UBE2D2: variants seen among roughly 807,000 people sequenced by gnomAD.
The protein encoded by UBE2D2 is ubiquitin conjugating enzyme E2 D2.
Under a neutral mutation model 24.2 loss-of-function variants are expected in UBE2D2, and 2 were observed. That is an observed-to-expected ratio of 0.08 (90% CI 0.03 to 0.26). The LOEUF is 0.26. UBE2D2 is among the 10% of genes least tolerant of loss of function. UBE2D2 has a pLI of 1.00. For synonymous variants in UBE2D2, 58 were observed against 56.5 expected, an observed-to-expected ratio of 1.03 and a Z score of -0.12; for missense variants, 44 against 177.6, an observed-to-expected ratio of 0.25 and a Z score of 4.28.
intron 1 of UBE2D2, among the ~76,000 whole-genome samples, chr5:139,578,870 A>T (rs1418463859): frequency 6.6e-6 from 1 of 152,210 alleles, no homozygotes; most frequent in African/African-American, 2.4e-5. Flanking sequence ...ATGTACCATT[A>T]TTCTACTAAG....
chr5:139,582,408 A>C (rs1378496500), intron 1 of UBE2D2, among the ~76,000 whole-genome samples: 1 of 151,738 alleles, frequency 6.6e-6, no homozygotes, highest in African/African-American at 2.4e-5. Flanking sequence ...ACGGGGTTTC[A>C]CAATGTTGGC....
intron 1 of UBE2D2, chr5:139,562,356 C>T (rs556635092): frequency 2.2e-6 from 3 of 1,338,502 alleles, no homozygotes; most frequent in Admixed American, 4.0e-5. Flanking sequence ...ATCGGTCCAC[C>T]CTGCTTGTCC....
intron 1 of UBE2D2, among the ~76,000 whole-genome samples, chr5:139,547,564 C>T (rs1752849991): frequency 6.6e-6 from 1 of 151,610 alleles, no homozygotes; most frequent in Non-Finnish European, 1.5e-5. Context: ...GGCTGGAGTG[C>T]AGTGACATGA....
intron 1 of UBE2D2, among the ~76,000 whole-genome samples, chr5:139,550,601 A>G (rs887080764): frequency 1.3e-5 from 2 of 152,126 alleles, no homozygotes; most frequent in South Asian, 2.1e-4. Flanking sequence ...GATCTTTGAG[A>G]TAACTTGCTG....
At chr5:139,591,872 A>T (rs1753852524) in intron 1 of UBE2D2, among the ~76,000 whole-genome samples, 2 of 152,278 alleles carry the variant, frequency 1.3e-5, no homozygotes, top group East Asian at 3.9e-4. Context: ...TGCAGGTACT[A>T]TAGTAATGAC....
chr5:139,560,019 C>T (rs1251564414), upstream of UBE2D2, among the ~76,000 whole-genome samples: 2 of 148,962 alleles, frequency 1.3e-5, no homozygotes, highest in African/African-American at 4.9e-5. Flanking sequence ...TGATGGGTAT[C>T]TGGAGCACGA....
chr5:139,618,822 T>G (rs1194213275), intron 5 of UBE2D2, among the ~76,000 whole-genome samples: 2 of 152,198 alleles, frequency 1.3e-5, no homozygotes, highest in Non-Finnish European at 2.9e-5. Context: ...ATTTAAGGTT[T>G]TAATGAGTCC....
chr5:139,624,917 G>T (rs1034464563), intron 6 of UBE2D2, among the ~76,000 whole-genome samples: 1 of 152,082 alleles, frequency 6.6e-6, no homozygotes, highest in Non-Finnish European at 1.5e-5. Flanking sequence ...AAATTTTTTT[G>T]ATTAGAGAAC....
chr5:139,587,888 G>A (rs1753765281), intron 1 of UBE2D2, among the ~76,000 whole-genome samples: 1 of 151,956 alleles, frequency 6.6e-6, no homozygotes, highest in African/African-American at 2.4e-5. Context: ...TCCTGTTTTT[G>A]CCTAATTAGC....
At chr5:139,604,319 G>A (rs187603520) in intron 2 of UBE2D2, among the ~76,000 whole-genome samples, 1 of 151,462 alleles carries the variant, frequency 6.6e-6, no homozygotes, top group Admixed American at 6.6e-5. Flanking sequence ...TCGTATTTTT[G>A]GTAGAGATGG....
intron 1 of UBE2D2, among the ~76,000 whole-genome samples, chr5:139,547,082 A>G (rs1752841503): frequency 6.6e-6 from 1 of 151,656 alleles, no homozygotes; most frequent in Admixed American, 6.6e-5. Flanking sequence ...CGAGGTCAGG[A>G]GATCAAGACC....
At chr5:139,621,873 G>A (rs1754519478) in intron 5 of UBE2D2, among the ~76,000 whole-genome samples, 1 of 152,198 alleles carries the variant, frequency 6.6e-6, no homozygotes, top group African/African-American at 2.4e-5. Flanking sequence ...TCCTTCTGCT[G>A]TGGCCTCCCA....
chr5:139,589,037 T>G (rs1753789041), intron 1 of UBE2D2, among the ~76,000 whole-genome samples: 1 of 152,104 alleles, frequency 6.6e-6, no homozygotes, highest in Admixed American at 6.6e-5. Context: ...GAAGCTATCC[T>G]CCCTTGGCCT....
chr5:139,619,284 T>C (rs1020173159), intron 5 of UBE2D2, among the ~76,000 whole-genome samples: 39 of 151,608 alleles, frequency 2.6e-4, no homozygotes, highest in Non-Finnish European at 1.8e-4. Context: ...TAGTCCCAAC[T>C]ACTCGGGAGG....
At chr5:139,534,946 C>T (rs914929716) in intron 1 of UBE2D2, among the ~76,000 whole-genome samples, 3 of 151,630 alleles carry the variant, frequency 2.0e-5, no homozygotes, top group Non-Finnish European at 4.4e-5. Flanking sequence ...CAAGACCAGC[C>T]TGGGCAACAT....
At chr5:139,600,342 A>G (rs1177686694) in intron 1 of UBE2D2, 30 bp from the exon 2 acceptor site, 6 of 1,608,678 alleles carry the variant, frequency 3.7e-6, no homozygotes, top group African/African-American at 2.7e-5. Flanking sequence ...TTTATGTTGA[A>G]TATATTTCTT....
chr5:139,546,679 T>C (rs1411796014), intron 1 of UBE2D2, among the ~76,000 whole-genome samples: 1 of 149,452 alleles, frequency 6.7e-6, no homozygotes. Flanking sequence ...AGAGATGGAG[T>C]TTCACCATGT....
intron 1 of UBE2D2, among the ~76,000 whole-genome samples, chr5:139,571,087 G>C (rs1055979218): frequency 6.6e-6 from 1 of 152,098 alleles, no homozygotes; most frequent in East Asian, 1.9e-4. Flanking sequence ...TTACGTGTGA[G>C]TTGTTAGGGA....
chr5:139,576,966 A>AT (rs1753484249), intron 1 of UBE2D2, among the ~76,000 whole-genome samples: 3 of 120,242 alleles, frequency 2.5e-5, no homozygotes, highest in Admixed American at 8.1e-5. Context: ...TTTTAACTTG[A>AT]ATTTTTTTTT....
Sources: allele counts gnomAD v4.1 joint callset (sites outside exome capture counted in the v4.1 genomes callset), GRCh38; gene constraint gnomAD v4.1.1; transcripts MANE v1.5; gene names NCBI Gene and HGNC (gene_info 2026-07-23, HGNC 2026-07-21).